The following MPPED1 variants were observed in gnomAD, a reference collection of about 807,000 sequenced individuals.
The protein encoded by MPPED1 is metallophosphoesterase domain containing 1.
MPPED1 carries 16 observed loss-of-function variants against 36.2 expected under a neutral mutation model. That is an observed-to-expected ratio of 0.44 (90% CI 0.30 to 0.67). The LOEUF (loss-of-function observed/expected upper bound fraction) is 0.67, where lower values mean the gene tolerates loss of function less well. MPPED1 is among the 30% of genes least tolerant of loss of function. The pLI, the probability that MPPED1 is intolerant of heterozygous loss-of-function variation, is 0.10. For missense variants in MPPED1, 307 were observed against 453.4 expected, an observed-to-expected ratio of 0.68 and a Z score of 2.93; for synonymous variants, 199 against 191.3, an observed-to-expected ratio of 1.04 and a Z score of -0.33.
chr22:43,417,082 G>A lies in MPPED1; in HGVS notation c.-79+4924G>A, dbSNP rs567591983. The A allele has an allele frequency of 7.3e-5, 63 of 860,740 alleles. No homozygotes were observed. In the African/African-American group the frequency reaches 1.1e-3, roughly 14 times the overall value. The allele number at this position is 860,740 out of a possible 1,614,324, so 53.3% of individuals were successfully genotyped here. ...GGAAAATGAAGCGGCAGAGACTGCT[G>A]GGGGGTGGCGGTGGTGAGGAATTAG... On this transcript the variant is annotated intron_variant, in intron 1 of 6. Coordinates refer to ENST00000443721, the MANE Select transcript of MPPED1 (RefSeq NM_001044370.2).
At chr22:43,497,059 G>A (rs1214825323) in intron 4 of MPPED1, among the ~76,000 whole-genome samples, 57 of 145,634 alleles carry the variant, frequency 3.9e-4, no homozygotes, top group African/African-American at 6.1e-4. Flanking sequence ...TGGTGGAGAT[G>A]GTGGTGGTGG....
intron 4 of MPPED1, among the ~76,000 whole-genome samples, chr22:43,497,879 TAGAA>T (rs2073881234): frequency 6.8e-6 from 1 of 146,790 alleles, no homozygotes; most frequent in Admixed American, 6.8e-5. Flanking sequence ...TGGATTTTCT[TAGAA>T]AGGCTTGGAG....
At chr22:43,431,639 T>C (rs1383036788) in intron 2 of MPPED1, among the ~76,000 whole-genome samples, 5 of 152,220 alleles carry the variant, frequency 3.3e-5, no homozygotes, top group African/African-American at 7.2e-5. Context: ...CAGCCTTTTC[T>C]GAGCCTTGGT....
At chr22:43,480,052 T>TG (rs924865421) in intron 4 of MPPED1, among the ~76,000 whole-genome samples, 7 of 152,140 alleles carry the variant, frequency 4.6e-5, no homozygotes, top group African/African-American at 1.4e-4. Flanking sequence ...TTTGTAGAGA[T>TG]GGGGTCTCAT....
intron 4 of MPPED1, among the ~76,000 whole-genome samples, chr22:43,481,762 T>C (rs1224206749): frequency 6.6e-6 from 1 of 152,102 alleles, no homozygotes; most frequent in Non-Finnish European, 1.5e-5. Context: ...TACCATCCCC[T>C]TCACCCTCAA....
intron 2 of MPPED1, among the ~76,000 whole-genome samples, chr22:43,426,584 G>A (rs761743130): frequency 1.3e-5 from 2 of 152,178 alleles, no homozygotes; most frequent in Non-Finnish European, 2.9e-5. Context: ...AGGAGTTGAC[G>A]GGGTTTCGAA....
At chr22:43,421,716 A>C (rs781224074) in intron 1 of MPPED1, among the ~76,000 whole-genome samples, 1 of 152,072 alleles carries the variant, frequency 6.6e-6, no homozygotes, top group Non-Finnish European at 1.5e-5. Context: ...CTCTGCATCC[A>C]TGCCTCCATC....
At chr22:43,463,859 CTTTCTTTCTT>C (rs1331722866) in intron 3 of MPPED1, among the ~76,000 whole-genome samples, 2 of 109,718 alleles carry the variant, frequency 1.8e-5, no homozygotes, top group African/African-American at 6.5e-5. Flanking sequence ...TTCTTTCTTT[CTTTCTTTCTT>C]TCTTTCTCTT....
chr22:43,500,442 G>GTGGTGGTGGTGA (rs1932697525), intron 5 of MPPED1, among the ~76,000 whole-genome samples: 2 of 147,098 alleles, frequency 1.4e-5, no homozygotes, highest in African/African-American at 5.0e-5. Context: ...GGTGGTGGAG[G>GTGGTGGTGGTGA]TGGTGACGGA....
At chr22:43,490,143 C>T (rs1465998581) in intron 4 of MPPED1, among the ~76,000 whole-genome samples, 1 of 152,222 alleles carries the variant, frequency 6.6e-6, no homozygotes, top group African/African-American at 2.4e-5. Context: ...AAGGCAGGCT[C>T]TGGGCCCCCG....
intron 3 of MPPED1, among the ~76,000 whole-genome samples, chr22:43,466,844 GC>G (rs1457783878): frequency 6.6e-6 from 1 of 152,156 alleles, no homozygotes; most frequent in African/African-American, 2.4e-5. Context: ...ACAGGCTCCT[GC>G]CCATGTTTCC....
intron 3 of MPPED1, among the ~76,000 whole-genome samples, chr22:43,439,247 G>C (rs1284796722): frequency 6.6e-6 from 1 of 152,218 alleles, no homozygotes. Flanking sequence ...GAGTCCCTCT[G>C]AGCAGCCCCT....
chr22:43,447,070 T>TC (rs1407725416), intron 3 of MPPED1, among the ~76,000 whole-genome samples: 2 of 151,934 alleles, frequency 1.3e-5, no homozygotes, highest in African/African-American at 4.8e-5. Context: ...GGTGCCTTCC[T>TC]CCCCCCTGCT....
chr22:43,432,424 G>GAA (rs1929735446), intron 2 of MPPED1, among the ~76,000 whole-genome samples: 1 of 137,824 alleles, frequency 7.3e-6, no homozygotes, highest in Non-Finnish European at 1.6e-5. Context: ...AGGGAGGAGA[G>GAA]AGAAAGGGAG....
intron 4 of MPPED1, among the ~76,000 whole-genome samples, chr22:43,494,208 T>A (rs1435516493): frequency 5.9e-5 from 9 of 152,096 alleles, no homozygotes; most frequent in Non-Finnish European, 1.2e-4. Context: ...ACTAATTTTT[T>A]AAAAATATTT....
intron 4 of MPPED1, among the ~76,000 whole-genome samples, chr22:43,475,832 T>C (rs1477081719): frequency 3.4e-5 from 5 of 148,940 alleles, no homozygotes; most frequent in African/African-American, 1.3e-4. Context: ...ATATTGAGGG[T>C]AGTGATGGTG....
chr22:43,470,200 C>G (rs149878326), intron 3 of MPPED1, among the ~76,000 whole-genome samples: 26 of 151,158 alleles, frequency 1.7e-4, no homozygotes, highest in Admixed American at 3.3e-4. Context: ...AACCATCCAT[C>G]TATCCATTCA....
At position 43,465,518 on chromosome 22, in the gene MPPED1, G is replaced by A. The variant is rs183849016; in HGVS notation, c.407-9218G>A. Among the ~76,000 whole-genome samples the A allele has an allele frequency of 9.2e-4, 140 of 152,286 alleles. 1 individual carries two copies. Among genetic ancestry groups the A allele is most frequent in the African/African-American group, 3.2e-3 (131 of 41,566 alleles). On this transcript the variant is annotated intron_variant, in intron 3 of 6. Coordinates refer to ENST00000443721, the MANE Select transcript of MPPED1 (RefSeq NM_001044370.2). ...CCGAGCCCCGTGCTGGCGGTAGAGC[G>A]CTGAACAAGGCAGGGGCCTCGAAGG...
Position 43,502,611 on chromosome 22 carries a change from C to A in MPPED1, c.749-33C>A. On this transcript the variant is annotated intron_variant, in intron 5 of 6. Transcript: ENST00000443721. This position sits in a 1 kb window ranked among gnomAD's most constrained non-coding sequence, Gnocchi z 5.5. ...GGCAGTGAGGGGCTGGGACAGACCG[C>A]GTCATGGCCTCCTGTTGTCTCCCCC... 2 of 1,571,338 alleles carry A rather than the reference C, an allele frequency of 1.3e-6. No individual in the cohort carries two copies. The highest frequency in any genetic ancestry group is 1.8e-6 in the Non-Finnish European group (2 of 1,142,348).
Sources: allele counts gnomAD v4.1 joint callset (sites outside exome capture counted in the v4.1 genomes callset), GRCh38; gene constraint gnomAD v4.1.1; non-coding constraint Gnocchi (gnomAD v3.1); transcripts MANE v1.5; gene names NCBI Gene and HGNC (gene_info 2026-07-23, HGNC 2026-07-21).